The following RERE variants were observed in gnomAD, a reference collection of about 807,000 sequenced individuals.
The protein encoded by RERE is arginine-glutamic acid dipeptide repeats, also known as arginine-glutamic acid dipeptide repeats protein.
In RERE, 40 loss-of-function variants were observed where a neutral mutation model predicts 146.1. That is an observed-to-expected ratio of 0.27 (90% confidence interval 0.21 to 0.36). The LOEUF (loss-of-function observed/expected upper bound fraction) is 0.36, where lower values mean the gene tolerates loss of function less well. RERE is among the 10% of genes least tolerant of loss of function. RERE has a pLI of 1.00. For synonymous variants in RERE, 1,003 were observed against 866.0 expected, an observed-to-expected ratio of 1.16 and a Z score of -2.78; for missense variants, 1,933 against 2,138.7, an observed-to-expected ratio of 0.90 and a Z score of 1.90.
intron 1 of RERE, among the ~76,000 whole-genome samples, chr1:8,775,427 A>T (rs1351290980): frequency 1.3e-5 from 2 of 152,192 alleles, no homozygotes; most frequent in Non-Finnish European, 2.9e-5. Flanking sequence ...AAAATAAAAA[A>T]ATAAAAATTA....
At chr1:8,556,155 G>A (rs531887992) in intron 6 of RERE, among the ~76,000 whole-genome samples, 26 of 151,800 alleles carry the variant, frequency 1.7e-4, no homozygotes, top group African/African-American at 4.6e-4. Flanking sequence ...CTGGCCCATC[G>A]GAACATTTCA....
intron 2 of RERE, among the ~76,000 whole-genome samples, chr1:8,640,626 T>C (rs1647164256): frequency 6.6e-6 from 1 of 152,192 alleles, no homozygotes; most frequent in Non-Finnish European, 1.5e-5. Context: ...AGTACATTTT[T>C]AATGGTGAAA....
intron 12 of RERE, among the ~76,000 whole-genome samples, chr1:8,402,962 G>A (rs962617037): frequency 3.3e-5 from 5 of 151,978 alleles, no homozygotes; most frequent in African/African-American, 1.2e-4. Context: ...GCAGTGGCGC[G>A]ATCTCAGCTC....
chr1:8,569,746 G>A (rs935602750), intron 4 of RERE, among the ~76,000 whole-genome samples: 23 of 152,122 alleles, frequency 1.5e-4, no homozygotes, highest in Non-Finnish European at 2.4e-4. Flanking sequence ...TTAAACATTA[G>A]ACAGGCATGG....
At position 8,525,491 on chromosome 1, in the gene RERE, G is replaced by C. The variant is rs145321521; in HGVS notation, c.830+15723C>G. On this transcript the variant is annotated intron_variant, in intron 7 of 22. Coordinates refer to ENST00000400908, the MANE Select transcript of RERE (RefSeq NM_001042681.2). ...ACGACTGAGGTTAAGATTATACTAC[G>C]AGCCGAAGAGGTAAGGGGAAGAGGA... Among the ~76,000 whole-genome samples, 530 of 152,314 alleles carry C rather than the reference G, an allele frequency of 3.5e-3. 4 individuals carry two copies. The highest frequency in any genetic ancestry group is 0.012 in the African/African-American group (487 of 41,570).
intron 2 of RERE, among the ~76,000 whole-genome samples, chr1:8,633,860 C>G (rs1647064664): frequency 6.6e-6 from 1 of 152,024 alleles, no homozygotes; most frequent in Non-Finnish European, 1.5e-5. Flanking sequence ...CCACAGGAGG[C>G]AGAAGCTACA....
chr1:8,652,013 A>T (rs1206482380), intron 2 of RERE, among the ~76,000 whole-genome samples: 1 of 152,292 alleles, frequency 6.6e-6, no homozygotes, highest in East Asian at 1.9e-4. Context: ...CAGTTTAAGT[A>T]ACCCTAAAGA....
intron 8 of RERE, among the ~76,000 whole-genome samples, chr1:8,504,353 G>A (rs1170035338): frequency 1.3e-5 from 2 of 152,166 alleles, no homozygotes; most frequent in African/African-American, 4.8e-5. Flanking sequence ...GGACAAATAC[G>A]AAGGAAGATG....
chr1:8,635,670 T>C (rs1336088489), intron 2 of RERE, among the ~76,000 whole-genome samples: 3 of 152,200 alleles, frequency 2.0e-5, no homozygotes, highest in African/African-American at 7.2e-5. Context: ...AAATTAAGAC[T>C]TCCCCATTCT....
intron 12 of RERE, among the ~76,000 whole-genome samples, chr1:8,416,789 T>C (rs1419760847): frequency 1.3e-5 from 2 of 152,214 alleles, no homozygotes; most frequent in African/African-American, 4.8e-5. Flanking sequence ...CTCAGAATTC[T>C]GCAAGTCTGC....
chr1:8,557,298 G>A, intron 5 of RERE, 120 bp downstream of exon 5: 1 of 671,512 alleles, frequency 1.5e-6, no homozygotes, highest in South Asian at 1.7e-5. Flanking sequence ...CAAGCATAAG[G>A]CCTACCAACA....
rs58064164 is a variant in RERE at position 8,516,227 on chromosome 1, G to GAAAAAAAAAAAAA, written c.831-7565_831-7553dup. Among the ~76,000 whole-genome samples, 94 of 52,292 alleles carry GAAAAAAAAAAAAA rather than the reference G, an allele frequency of 1.8e-3. 1 individual carries two copies. Among genetic ancestry groups the GAAAAAAAAAAAAA allele is most frequent in the African/African-American group, 3.0e-3 (35 of 11,620 alleles). The allele number at this position is 52,292 out of a possible 152,430, so 34.3% of individuals were successfully genotyped here. A position where few individuals can be genotyped will look rare whatever the true frequency, so the allele number is the denominator to read the frequency against. On this transcript the variant is annotated intron_variant, in intron 7 of 22. Coordinates refer to ENST00000400908, the MANE Select transcript of RERE (RefSeq NM_001042681.2). Reference sequence around the variant, plus strand: ...GGGACGGAGCAAGACTCTCTCAGAGGAAAAAAAAAAAAAAAAAAAAAATCT... The same window carrying GAAAAAAAAAAAAA: ...GGGACGGAGCAAGACTCTCTCAGAGGAAAAAAAAAAAAAAAAAAAAAAAAAAAAAAAAAAATCT...
intron 1 of RERE, among the ~76,000 whole-genome samples, chr1:8,741,079 A>G (rs552019091): frequency 6.6e-6 from 1 of 152,324 alleles, no homozygotes; most frequent in South Asian, 2.1e-4. Context: ...CACACACATG[A>G]GTAATATACT....
Position 8,360,270 on chromosome 1 carries a change from G to T in RERE, c.3237C>A (p.Ser1079Arg). The change falls in exon 18 of 23, where the codon AGC becomes AGA. Residue 1079 changes from serine to arginine, a missense_variant. Ser to Arg is a moderately radical substitution (Grantham distance 110). Around this residue, in one of 11 missense-constraint regions of RERE, gnomAD observed 1,255 missense variants for 1,153.8 expected, o/e 1.09. Coordinates refer to ENST00000400908, the MANE Select transcript of RERE (RefSeq NM_001042681.2). ...PCSGAAASGG[S>R]IAGGSSCPLP... ...GTGGGCAGGACGACCCCCCCGCTATGCTGCCTCCTGAAGCCGCCGCACCAG... is the reference window on the plus strand; with the variant it reads ...GTGGGCAGGACGACCCCCCCGCTATTCTGCCTCCTGAAGCCGCCGCACCAG... The T allele has an allele frequency of 6.4e-7, 1 of 1,570,642 alleles. No individual in the cohort carries two copies.
At chr1:8,643,374 A>G (rs1034862506) in intron 2 of RERE, among the ~76,000 whole-genome samples, 2 of 152,206 alleles carry the variant, frequency 1.3e-5, no homozygotes, top group Admixed American at 1.3e-4. Context: ...TCTGGAACAC[A>G]GTTTTTGAAC....
At chr1:8,450,563 A>G (rs1263557095) in intron 11 of RERE, among the ~76,000 whole-genome samples, 2 of 152,024 alleles carry the variant, frequency 1.3e-5, no homozygotes, top group Non-Finnish European at 2.9e-5. Context: ...CTAGAGACCT[A>G]CTGTCCTCTC....
chr1:8,630,360 C>A (rs1647020742), intron 2 of RERE, among the ~76,000 whole-genome samples: 1 of 151,482 alleles, frequency 6.6e-6, no homozygotes, highest in Non-Finnish European at 1.5e-5. Flanking sequence ...AGTAAACACT[C>A]AAAAATTATA....
intron 11 of RERE, among the ~76,000 whole-genome samples, chr1:8,428,265 G>A (rs909308377): frequency 6.6e-6 from 1 of 152,192 alleles, no homozygotes; most frequent in Non-Finnish European, 1.5e-5. Context: ...TCAGACGCAC[G>A]AACTGAGCGT....
chr1:8,694,447 C>A (rs1046145004), intron 1 of RERE, among the ~76,000 whole-genome samples: 15 of 152,128 alleles, frequency 9.9e-5, no homozygotes, highest in African/African-American at 3.6e-4. Flanking sequence ...GCAAAGAGAA[C>A]TAAAACACAC....
Sources: gnomAD v4.1 joint callset for allele counts (sites outside exome capture counted in the v4.1 genomes callset) on GRCh38, gnomAD v4.1.1 for gene constraint, gnomAD v4.1.1 regional missense constraint, MANE v1.5 for transcripts, NCBI Gene and HGNC (gene_info 2026-07-23, HGNC 2026-07-21) for gene names.